The following SMLR1 variants were observed in gnomAD, a reference collection of about 807,000 sequenced individuals.
SMLR1 encodes small leucine-rich protein 1.
In SMLR1, 3 loss-of-function variants were observed where a neutral mutation model predicts 6.1. The ratio of observed to expected loss-of-function variants is 0.49; its 90% CI spans 0.22 to 1.28. The LOEUF (loss-of-function observed/expected upper bound fraction) is 1.28, where lower values mean the gene tolerates loss of function less well. Ranked by LOEUF, SMLR1 falls within the 50% of genes most tolerant of loss-of-function variation. The probability of loss-of-function intolerance (pLI) is 0.19; values close to 1 mark genes in which losing one functional copy is unlikely to be tolerated. For synonymous variants in SMLR1, 55 were observed against 53.6 expected, an observed-to-expected ratio of 1.03 and a Z score of -0.11; for missense variants, 126 against 124.8, an observed-to-expected ratio of 1.01 and a Z score of -0.05.
At chr6:130,830,789 G>A (rs755358468) in intron 1 of SMLR1, among the ~76,000 whole-genome samples, 21 of 152,120 alleles carry the variant, frequency 1.4e-4, no homozygotes, top group Non-Finnish European at 2.2e-4. Flanking sequence ...ACCTCTGGTC[G>A]CCCTTACTGC....
chr6:130,827,592 T>C lies in SMLR1; in HGVS notation c.179T>C (p.Leu60Pro). The C allele has an allele frequency of 6.5e-7, 1 of 1,535,936 alleles. No homozygotes were observed. Among genetic ancestry groups the C allele is most frequent in the Non-Finnish European group, 8.7e-7 (1 of 1,146,830 alleles). The change falls in exon 1 of 2, where the codon CTC (leucine) becomes CCC (proline). Residue 60 changes from leucine to proline, a missense_variant. Coordinates refer to ENST00000541421, the MANE Select transcript of SMLR1 (RefSeq NM_001195597.2). ...PGWFLFFGVF[L>P]PVTLLLLLLI... ...TGGTTCCTGTTCTTTGGGGTCTTCC[T>C]CCCCGTGACTTTGCTGCTGCTCCTC...
Position 130,835,180 on chromosome 6 carries a change from A to C in SMLR1, c.*225A>C, listed in dbSNP as rs933055737. 1 of 524,622 alleles carries C rather than the reference A, an allele frequency of 1.9e-6. No homozygotes were observed. The highest frequency in any genetic ancestry group is 1.9e-5 in the African/African-American group (1 of 52,306). The allele number at this position is 524,622 out of a possible 1,614,324, so 32.5% of individuals were successfully genotyped here. On this transcript the variant is annotated 3_prime_UTR_variant, in exon 2 of 2. Coordinates refer to ENST00000541421, the MANE Select transcript of SMLR1 (RefSeq NM_001195597.2). Reference sequence around the variant, plus strand: ...AGCTCTTGAAAAGTACCAAGAATGGATTTCCTGGGTATATACACTGGACAC... The same window carrying C: ...AGCTCTTGAAAAGTACCAAGAATGGCTTTCCTGGGTATATACACTGGACAC...
rs569655184 is a variant in SMLR1 at position 130,835,548 on chromosome 6, G to C, written c.*593G>C. On this transcript the variant is annotated 3_prime_UTR_variant, in exon 2 of 2. Transcript: ENST00000541421. ...GTCACAAATATGCACAAAACAAGTG[G>C]AGTATCCCCACACTAGGTATGGATC... is the stretch of plus-strand genomic sequence containing the variant. The C allele has an allele frequency of 6.6e-6, 1 of 152,472 alleles. No individual in the cohort carries two copies. The highest frequency in any genetic ancestry group is 2.4e-5 in the African/African-American group (1 of 41,560). The allele number at this position is 152,472 out of a possible 1,614,324, so 9.4% of individuals were successfully genotyped here.
At chr6:130,827,749 A>T in intron 1 of SMLR1, 98 bp downstream of exon 1, 2 of 820,668 alleles carry the variant, frequency 2.4e-6, no homozygotes, top group Non-Finnish European at 3.7e-6. Context: ...GGCCAGGAGA[A>T]ACATATATAT....
intron 1 of SMLR1, among the ~76,000 whole-genome samples, chr6:130,828,276 C>T (rs1360756): frequency 0.37 from 56,476 of 151,952 alleles, 11,157 homozygotes; most frequent in East Asian, 0.65. Context: ...AATGGACATT[C>T]GGGTCTTGGA....
At chr6:130,832,285 C>T (rs924067176) in intron 1 of SMLR1, among the ~76,000 whole-genome samples, 3 of 152,060 alleles carry the variant, frequency 2.0e-5, no homozygotes, top group East Asian at 1.9e-4. Flanking sequence ...AATTTTAAAA[C>T]GTGTCTACTG....
intron 1 of SMLR1, among the ~76,000 whole-genome samples, chr6:130,833,200 T>C (rs567453934): frequency 2.6e-5 from 4 of 152,280 alleles, no homozygotes; most frequent in Non-Finnish European, 2.9e-5. Context: ...TCACTCTCCA[T>C]ATGGTGCCTA....
chr6:130,827,643 T>G lies in SMLR1; in HGVS notation c.230T>G (p.Leu77Arg), dbSNP rs1774316302. ...CTCATCGCCTACTTCAGGATCAAAC[T>G]GATTGAGGGTAAGTGTGAGGCCACA... ...LLLIAYFRIK[L>R]IEVNEELSQN... The change falls in exon 1 of 2, where the codon CTG (leucine) becomes CGG (arginine). Residue 77 changes from leucine (L) to arginine (R), a missense_variant. Transcript: ENST00000541421. 10 of 1,535,708 alleles carry G rather than the reference T, an allele frequency of 6.5e-6. No homozygotes were observed. Among genetic ancestry groups the G allele is most frequent in the African/African-American group, 1.4e-5 (1 of 73,020 alleles).
intron 1 of SMLR1, among the ~76,000 whole-genome samples, chr6:130,834,446 G>C (rs1774574343): frequency 1.3e-5 from 2 of 152,110 alleles, no homozygotes; most frequent in South Asian, 4.1e-4. Flanking sequence ...AGCTGAAATA[G>C]AGTCATCAGT....
intron 1 of SMLR1, among the ~76,000 whole-genome samples, chr6:130,831,691 T>C (rs1774454174): frequency 6.6e-6 from 1 of 152,214 alleles, no homozygotes; most frequent in Non-Finnish European, 1.5e-5. Context: ...ACCAGGGTTA[T>C]GGCAAATGTA....
At chr6:130,828,671 G>C (rs1774351715) in intron 1 of SMLR1, among the ~76,000 whole-genome samples, 1 of 152,174 alleles carries the variant, frequency 6.6e-6, no homozygotes, top group Non-Finnish European at 1.5e-5. Context: ...GTATGTCATG[G>C]AATCAAGTTT....
In SMLR1 at chr6:130,832,487, T is replaced by G. The variant is rs143898257; in HGVS notation, c.239-2383T>G. Among the ~76,000 whole-genome samples, 850 of 152,264 alleles carry G rather than the reference T, an allele frequency of 5.6e-3. 8 individuals carry two copies. The highest frequency in any genetic ancestry group is 0.019 in the African/African-American group (800 of 41,550). ...CTCTTGAAGCTTCGGCCTCCTGGTCTGTAAAATAGAAATAACAGCAGGACA... is the reference window on the plus strand; with the variant it reads ...CTCTTGAAGCTTCGGCCTCCTGGTCGGTAAAATAGAAATAACAGCAGGACA... On this transcript the variant is annotated intron_variant, in intron 1 of 1. Coordinates refer to ENST00000541421, the MANE Select transcript of SMLR1 (RefSeq NM_001195597.2).
rs930151237 is a variant in SMLR1 at position 130,835,949 on chromosome 6, G to A, written c.*994G>A. On this transcript the variant is annotated 3_prime_UTR_variant, in exon 2 of 2. Coordinates refer to ENST00000541421, the MANE Select transcript of SMLR1 (RefSeq NM_001195597.2). ...TCTTTGTGCAGGACATTAACAGGCTGAGTGATCCACTTTATAAAACATAAT... is the reference window on the plus strand; with the variant it reads ...TCTTTGTGCAGGACATTAACAGGCTAAGTGATCCACTTTATAAAACATAAT... 3 of 152,172 alleles carry A rather than the reference G, an allele frequency of 2.0e-5. No homozygotes were observed. Among genetic ancestry groups the A allele is most frequent in the Non-Finnish European group, 4.4e-5 (3 of 68,030 alleles). 9.4% of individuals were successfully genotyped at this position (152,172 alleles called of 1,614,324 possible).
intron 1 of SMLR1, among the ~76,000 whole-genome samples, chr6:130,833,403 C>T (rs1407990271): frequency 6.6e-6 from 1 of 152,048 alleles, no homozygotes; most frequent in Non-Finnish European, 1.5e-5. Context: ...TGCAGTTAGC[C>T]ATTGGTAATA....
At chr6:130,829,977 T>C (rs2281487) in intron 1 of SMLR1, among the ~76,000 whole-genome samples, 48,305 of 152,084 alleles carry the variant, frequency 0.32, 8,417 homozygotes, top group Non-Finnish European at 0.39. Context: ...TTCTCATTCA[T>C]TTATTCAACG....
chr6:130,831,687 G>A (rs118161802), intron 1 of SMLR1, among the ~76,000 whole-genome samples: 1 of 152,158 alleles, frequency 6.6e-6, no homozygotes, highest in African/African-American at 2.4e-5. Context: ...TCCAACCAGG[G>A]TTATGGCAAA....
intron 1 of SMLR1, among the ~76,000 whole-genome samples, chr6:130,832,170 C>T (rs140150821): frequency 6.6e-6 from 1 of 152,080 alleles, no homozygotes; most frequent in Non-Finnish European, 1.5e-5. Context: ...GATTCCCAAA[C>T]CTTTACTTCC....
At chr6:130,834,126 A>G (rs1583399816) in intron 1 of SMLR1, among the ~76,000 whole-genome samples, 1 of 152,154 alleles carries the variant, frequency 6.6e-6, no homozygotes, top group Non-Finnish European at 1.5e-5. Context: ...ATCCCAACGA[A>G]TATGTGTCAG....
In SMLR1 at chr6:130,836,094, C is replaced by T. The variant is rs879746898; in HGVS notation, c.*1139C>T. On this transcript the variant is annotated 3_prime_UTR_variant, in exon 2 of 2. Coordinates refer to ENST00000541421, the MANE Select transcript of SMLR1 (RefSeq NM_001195597.2). ...CAGTGCTGGATTTTTACTGCTTCTT[C>T]CCCTCAGCCCCACCCTAAAATTCTT... is the stretch of plus-strand genomic sequence containing the variant. The T allele has an allele frequency of 3.3e-5, 5 of 152,164 alleles. No homozygotes were observed. The highest frequency in any genetic ancestry group is 7.3e-5 in the Non-Finnish European group (5 of 68,028). 9.4% of individuals were successfully genotyped at this position (152,164 alleles called of 1,614,324 possible).
Sources: allele counts gnomAD v4.1 joint callset (sites outside exome capture counted in the v4.1 genomes callset), GRCh38; gene constraint gnomAD v4.1.1; transcripts MANE v1.5; gene names NCBI Gene and HGNC (gene_info 2026-07-23, HGNC 2026-07-21).